Variants in PUM2 observed in about 807,000 individuals in gnomAD.
PUM2 encodes pumilio homolog 2.
Under a neutral mutation model 124.5 loss-of-function variants are expected in PUM2, and 57 were observed. The observed-to-expected ratio is 0.46, with a 90% CI of 0.37 to 0.57. The LOEUF is 0.57. Among genes scored for constraint, PUM2 ranks in the 20% least tolerant of loss-of-function variants. The probability of loss-of-function intolerance (pLI) is 0.00; values close to 1 mark genes in which losing one functional copy is unlikely to be tolerated. For synonymous variants in PUM2, 460 were observed against 446.1 expected, an observed-to-expected ratio of 1.03 and a Z score of -0.39; for missense variants, 1,065 against 1,290.6, an observed-to-expected ratio of 0.83 and a Z score of 2.68.
rs778426482 is a variant in PUM2 at position 20,308,613 on chromosome 2, G to A, written c.519-29C>T. 13 of 1,551,512 alleles carry A rather than the reference G, an allele frequency of 8.4e-6. No homozygotes were observed. In the East Asian group the frequency reaches 2.7e-4, roughly 32 times the overall value. The stretch of plus-strand genomic sequence containing the variant: ...CATAAAGAAAATAGAAAAGCATTAT[G>A]AATAAAAGTAACAAGTCAAATAGCG... On this transcript the variant is annotated intron_variant, in intron 5 of 20. Transcript: ENST00000361078.
chr2:20,265,255 A>C lies in PUM2; in HGVS notation c.1958-1795T>G, dbSNP rs138336547. Among the ~76,000 whole-genome samples the C allele has an allele frequency of 7.5e-3, 1,138 of 152,136 alleles. 10 individuals carry two copies. Among genetic ancestry groups the C allele is most frequent in the African/African-American group, 0.023 (955 of 41,472 alleles). On this transcript the variant is annotated intron_variant, in intron 13 of 20. Coordinates refer to ENST00000361078, the MANE Select transcript of PUM2 (RefSeq NM_015317.5). ...TGCCAGAGCGAAACCGTCACAAAAA[A>C]AAAAAAAAAGGCATGTAATTTAAGA...
chr2:20,300,790 A>G, intron 7 of PUM2, among the ~76,000 whole-genome samples: 4 of 151,388 alleles, frequency 2.6e-5, no homozygotes, highest in Non-Finnish European at 1.5e-5. Context: ...TGAAAGAGAA[A>G]AAAAAAAAAA....
intron 15 of PUM2, among the ~76,000 whole-genome samples, chr2:20,259,626 T>C (rs971915085): frequency 4.7e-4 from 72 of 152,244 alleles, no homozygotes; most frequent in Non-Finnish European, 4.7e-4. Flanking sequence ...TTCCTTTTTA[T>C]GGCTGAATAA....
At position 20,308,032 on chromosome 2, in the gene PUM2, T is replaced by G. The variant is rs1678753265; in HGVS notation, c.829A>C (p.Thr277Pro). ...GCATATTGCTGCTGTTGAGCTGCAG[T>G]TAACTGTTGAACTGTTAGTGCATTA... is the stretch of plus-strand genomic sequence containing the variant. ...RTNALTVQQL[T>P]AAQQQQYALA... is the part of the protein sequence containing the mutation. Residue 277 changes from threonine to proline, a missense_variant, in exon 7 of 21, where the codon ACT (threonine) becomes CCT (proline). Thr to Pro is a conservative substitution (Grantham distance 38, BLOSUM62 -1). This residue lies in a region of PUM2 where 968 missense variants were observed against 1,159.8 expected (regional missense o/e 0.83). Coordinates refer to ENST00000361078, the MANE Select transcript of PUM2 (RefSeq NM_015317.5). The G allele has an allele frequency of 6.2e-7, 1 of 1,613,424 alleles. No individual in the cohort carries two copies. The highest frequency in any genetic ancestry group is 1.1e-5 in the South Asian group (1 of 91,062).
Position 20,283,005 on chromosome 2 carries a change from T to A in PUM2, c.1662A>T (p.Gly554=), listed in dbSNP as rs1168371884. 2 of 1,614,078 alleles carry A rather than the reference T, an allele frequency of 1.2e-6. No individual in the cohort carries two copies. The highest frequency in any genetic ancestry group is 2.2e-5 in the South Asian group (2 of 91,072). ...GQPGSTSLGF[G]SGNSLGAAIG... is the part of the protein sequence containing the mutation. ...TAGCAGCACCCAAAGAGTTACCACTTCCAAAGCCAAGAGATGTACTTCCAG... is the reference window on the plus strand; with the variant it reads ...TAGCAGCACCCAAAGAGTTACCACTACCAAAGCCAAGAGATGTACTTCCAG... The change falls in exon 12 of 21, where the codon GGA becomes GGT. Residue 554 remains glycine (G), a synonymous_variant. Transcript: ENST00000361078.
intron 2 of PUM2, among the ~76,000 whole-genome samples, chr2:20,322,185 T>C (rs1291741060): frequency 6.6e-6 from 1 of 152,172 alleles, no homozygotes; most frequent in African/African-American, 2.4e-5. Context: ...AAAGATGCTA[T>C]TAATAATCAT....
At chr2:20,336,748 CTGTG>C (rs70939037) in intron 1 of PUM2, among the ~76,000 whole-genome samples, 5,485 of 97,144 alleles carry the variant, frequency 0.056, 171 homozygotes, top group East Asian at 0.089. Flanking sequence ...CCAGGCTGAT[CTGTG>C]TGTGTGTGTG....
intron 5 of PUM2, among the ~76,000 whole-genome samples, chr2:20,310,669 G>GATAACTA (rs3074570): frequency 1.3e-5 from 2 of 151,902 alleles, no homozygotes; most frequent in Non-Finnish European, 2.9e-5. Flanking sequence ...CTTTGCTTTT[G>GATAACTA]AAGGCAATAA....
At chr2:20,347,015 G>A (rs1688373345) in intron 1 of PUM2, among the ~76,000 whole-genome samples, 1 of 152,088 alleles carries the variant, frequency 6.6e-6, no homozygotes, top group African/African-American at 2.4e-5. Flanking sequence ...GCACTTGCCA[G>A]CTACAGTGAT....
intron 1 of PUM2, among the ~76,000 whole-genome samples, chr2:20,332,297 G>GTGTA (rs1311674147): frequency 1.3e-5 from 1 of 78,560 alleles, no homozygotes; most frequent in Non-Finnish European, 3.3e-5. Flanking sequence ...GTGTGTGTGT[G>GTGTA]TGTGTGTGTG....
intron 12 of PUM2, among the ~76,000 whole-genome samples, chr2:20,279,864 T>C (rs1671095895): frequency 6.6e-6 from 1 of 152,144 alleles, no homozygotes; most frequent in African/African-American, 2.4e-5. Flanking sequence ...TATATTCAAG[T>C]ACGTTTCCTT....
At position 20,294,533 on chromosome 2, in the gene PUM2, C is replaced by A; in HGVS notation, c.1010-15G>T. ...CACTGCTGGACCTAAACCCCACACCCGACCCCCGAATAAAAAGTTACTAGA... is the reference window on the plus strand; with the variant it reads ...CACTGCTGGACCTAAACCCCACACCAGACCCCCGAATAAAAAGTTACTAGA... On this transcript the variant is annotated splice_polypyrimidine_tract_variant and intron_variant, in intron 8 of 20. Transcript: ENST00000361078. 6.3e-7 allele frequency: 1 copy of A among 1,578,064 alleles called. No homozygotes were observed. The highest frequency in any genetic ancestry group is 8.6e-7 in the Non-Finnish European group (1 of 1,162,388).
chr2:20,297,736 T>C (rs2148329754), intron 7 of PUM2, 58 bp from the exon 8 acceptor site: 1 of 1,548,960 alleles, frequency 6.5e-7, no homozygotes, highest in South Asian at 1.2e-5. Context: ...TTTTTTTCAT[T>C]AGATAAAAAC....
Position 20,318,635 on chromosome 2 carries a change from G to A in PUM2, c.62C>T (p.Thr21Ile). Residue 21 changes from threonine to isoleucine, a missense_variant, in exon 3 of 21, where the codon ACC (threonine) becomes ATC (isoleucine). By Grantham distance (89) the Thr-to-Ile change is moderately conservative. This residue lies in a region of PUM2 where 90 missense variants were observed against 103.6 expected (regional missense o/e 0.87). Transcript: ENST00000361078. Reference sequence around the variant, plus strand: ...ATCATCAGGTTCCCAAAACTTTTTGGTAGGCAAAAGCTATTTGGAGGAAAA... The same window carrying A: ...ATCATCAGGTTCCCAAAACTTTTTGATAGGCAAAAGCTATTTGGAGGAAAA... ...ESRGMGELLP[T>I]KKFWEPDDST... The A allele has an allele frequency of 1.2e-6, 2 of 1,611,398 alleles. No individual in the cohort carries two copies. The highest frequency in any genetic ancestry group is 1.1e-5 in the South Asian group (1 of 90,788).
chr2:20,349,006 T>C lies in PUM2; in HGVS notation c.-19+1591A>G, dbSNP rs187721890. On this transcript the variant is annotated intron_variant, in intron 1 of 20. Coordinates refer to ENST00000361078, the MANE Select transcript of PUM2 (RefSeq NM_015317.5). ...AATCCAAGTATTATTTGGTAATTTA[T>C]ATACAGTATTTGTAATGCCTGAGAA... Among the ~76,000 whole-genome samples, 17 of 152,376 alleles carry C rather than the reference T, an allele frequency of 1.1e-4. No homozygotes were observed. The East Asian group carries it at 2.9e-3, about 26-fold the overall frequency.
chr2:20,260,001 T>C (rs774711497), intron 15 of PUM2, among the ~76,000 whole-genome samples: 1 of 152,222 alleles, frequency 6.6e-6, no homozygotes, highest in African/African-American at 2.4e-5. Context: ...TGGTATCTCA[T>C]TGTGAGATTG....
chr2:20,348,791 C>CGT lies in PUM2; in HGVS notation c.-19+1804_-19+1805dup, dbSNP rs751426264. ...TGCAAAAATTAGCCGGGCGTGGTGG[C>CGT]GTGCGCCTGTACCCCCAGCTACAGT... On this transcript the variant is annotated intron_variant, in intron 1 of 20. Transcript: ENST00000361078. Among the ~76,000 whole-genome samples, 25 of 145,460 alleles carry CGT rather than the reference C, an allele frequency of 1.7e-4. 1 individual carries two copies.
At chr2:20,300,761 A>G (rs1212927369) in intron 7 of PUM2, among the ~76,000 whole-genome samples, 2 of 151,480 alleles carry the variant, frequency 1.3e-5, no homozygotes, top group Non-Finnish European at 2.9e-5. Context: ...CTATTCCTAA[A>G]TAAGATAGCT....
At chr2:20,334,476 T>C (rs949997506) in intron 1 of PUM2, among the ~76,000 whole-genome samples, 8 of 152,208 alleles carry the variant, frequency 5.3e-5, no homozygotes, top group African/African-American at 1.9e-4. Flanking sequence ...TTTTATAATC[T>C]TGTAATTATA....
Sources: allele counts gnomAD v4.1 joint callset (sites outside exome capture counted in the v4.1 genomes callset), GRCh38; gene constraint gnomAD v4.1.1; regional missense constraint gnomAD v4.1.1; transcripts MANE v1.5; gene names NCBI Gene and HGNC (gene_info 2026-07-23, HGNC 2026-07-21).